PHACTR2: variants seen among roughly 807,000 people sequenced by gnomAD.
PHACTR2 encodes phosphatase and actin regulator 2.
Under a neutral mutation model 76.0 loss-of-function variants are expected in PHACTR2, and 30 were observed. That is an observed-to-expected ratio of 0.39 (90% CI 0.30 to 0.54). The LOEUF is 0.54. Among genes scored for constraint, PHACTR2 ranks in the 20% least tolerant of loss-of-function variants. The pLI is 0.61. For missense variants in PHACTR2, 696 were observed against 781.1 expected (o/e 0.89, Z 1.30); for synonymous variants, 292 against 292.5 (o/e 1.00, Z 0.02).
chr6:143,540,704 GA>G (rs11375475), intron 1 of PHACTR2, among the ~76,000 whole-genome samples: 157 of 143,716 alleles, frequency 1.1e-3, no homozygotes, highest in African/African-American at 3.5e-3. Flanking sequence ...TGCTTTATCA[GA>G]AAAAAAAAAC....
In PHACTR2 at chr6:143,688,746, G is replaced by A. The variant is rs564120174; in HGVS notation, c.46+10537G>A. ...CCCTACTGCCACCGTCCAAGCTCTG[G>A]GGCCATCCATTACATGGACAACTGC... On this transcript the variant is annotated intron_variant, in intron 1 of 12. Coordinates refer to ENST00000440869, the MANE Select transcript of PHACTR2 (RefSeq NM_001100164.2). This position sits in a 1 kb window ranked among gnomAD's most constrained non-coding sequence, Gnocchi z 5.2. Among the ~76,000 whole-genome samples the A allele has an allele frequency of 5.3e-5, 8 of 152,194 alleles. No individual in the cohort carries two copies. The East Asian group carries it at 1.2e-3, about 22-fold the overall frequency.
chr6:143,756,477 C>A (rs1043288259), intron 4 of PHACTR2, among the ~76,000 whole-genome samples: 1 of 149,786 alleles, frequency 6.7e-6, no homozygotes, highest in East Asian at 2.0e-4. Flanking sequence ...GGGCGGATCA[C>A]GAGGTCAGGA....
rs1276385930 is a variant in PHACTR2 at position 143,672,835 on chromosome 6, C to T, written c.14-39181C>T. Among the ~76,000 whole-genome samples the T allele has an allele frequency of 3.9e-5, 6 of 152,096 alleles. No individual in the cohort carries two copies. Among genetic ancestry groups the T allele is most frequent in the African/African-American group, 7.2e-5 (3 of 41,406 alleles). On this transcript the variant is annotated intron_variant, in intron 1 of 11. Coordinates refer to the PHACTR2 transcript ENST00000305766. This position sits in a 1 kb window ranked among gnomAD's most constrained non-coding sequence, Gnocchi z 5.8. ...CGCCTCCCAGGTTCAAGTGATTCTC[C>T]GGCCTCAGCCTCCCAAGTAGCTGAG... is the stretch of plus-strand genomic sequence containing the variant.
At position 143,662,028 on chromosome 6, in the gene PHACTR2, A is replaced by G. The variant is rs1776955268; in HGVS notation, c.14-49988A>G. 6.6e-6 allele frequency among the ~76,000 whole-genome samples: 1 copy of G among 152,208 alleles called. No homozygotes were observed. The highest frequency in any genetic ancestry group is 2.4e-5 in the African/African-American group (1 of 41,454). Reference sequence around the variant, plus strand: ...ATGTACTTCTTAATTGTGTGATTACATGATTTCTCCCTGAATAAATCTTGT... The same window carrying G: ...ATGTACTTCTTAATTGTGTGATTACGTGATTTCTCCCTGAATAAATCTTGT... On this transcript the variant is annotated intron_variant, in intron 1 of 11. Transcript: ENST00000305766. This position sits in a 1 kb window ranked among gnomAD's most constrained non-coding sequence, Gnocchi z 4.7.
chr6:143,559,471 C>T (rs1562683751), intron 1 of PHACTR2, among the ~76,000 whole-genome samples: 1 of 152,080 alleles, frequency 6.6e-6, no homozygotes, highest in Non-Finnish European at 1.5e-5. Flanking sequence ...TAACCCTATC[C>T]TGACATCTCT....
rs960337531 is a variant in PHACTR2 at position 143,795,507 on chromosome 6, C to T, written c.1845+6597C>T. On this transcript the variant is annotated intron_variant, in intron 11 of 12. Coordinates refer to ENST00000440869, the MANE Select transcript of PHACTR2 (RefSeq NM_001100164.2). This position sits in a 1 kb window ranked among gnomAD's most constrained non-coding sequence, Gnocchi z 4.8. ...TATATGTACAGTAAAATAGAGATGG[C>T]CTGGTTTCCTGCACTGAGGTAGATA... Among the ~76,000 whole-genome samples, 2 of 152,128 alleles carry T rather than the reference C, an allele frequency of 1.3e-5. No homozygotes were observed. Among genetic ancestry groups the T allele is most frequent in the East Asian group, 1.9e-4 (1 of 5,200 alleles).
intron 11 of PHACTR2, among the ~76,000 whole-genome samples, chr6:143,797,050 T>C (rs941967445): frequency 2.6e-5 from 4 of 152,234 alleles, no homozygotes. Context: ...TTCCTATTTC[T>C]CCACATCCTC....
At position 143,712,899 on chromosome 6, in the gene PHACTR2, G is replaced by A. The variant is rs1026496658; in HGVS notation, c.214+716G>A. 2.0e-5 allele frequency among the ~76,000 whole-genome samples: 3 copies of A among 152,194 alleles called. No homozygotes were observed. In the East Asian group the frequency reaches 5.8e-4, roughly 29 times the overall value. Reference sequence around the variant, plus strand: ...TGCTTAGTGCCTTTCATATCAACTCGTGGACAAAGCTGGCTTTAAATCTCA... The same window carrying A: ...TGCTTAGTGCCTTTCATATCAACTCATGGACAAAGCTGGCTTTAAATCTCA... On this transcript the variant is annotated intron_variant, in intron 2 of 12. Coordinates refer to ENST00000440869, the MANE Select transcript of PHACTR2 (RefSeq NM_001100164.2).
chr6:143,715,537 G>A (rs1355092429), intron 2 of PHACTR2, among the ~76,000 whole-genome samples: 1 of 152,166 alleles, frequency 6.6e-6, no homozygotes, highest in African/African-American at 2.4e-5. Flanking sequence ...GTATTTCTGT[G>A]GAAAACATGC....
intron 1 of PHACTR2, among the ~76,000 whole-genome samples, chr6:143,545,564 C>T (rs1447027309): frequency 2.6e-5 from 4 of 152,204 alleles, no homozygotes; most frequent in African/African-American, 7.2e-5. Flanking sequence ...TGTATCAGCT[C>T]CTTTTTTCAG....
rs1181141097 is a variant in PHACTR2, at chr6:143,739,514, T to C, written c.215-9471T>C. ...GTCTTAGGTTTACCATCTTTTACTG[T>C]AAAGAAACAGGAAATGGAAACACGC... On this transcript the variant is annotated intron_variant, in intron 2 of 12. Coordinates refer to ENST00000440869, the MANE Select transcript of PHACTR2 (RefSeq NM_001100164.2). This position sits in a 1 kb window ranked among gnomAD's most constrained non-coding sequence, Gnocchi z 4.3. 6.6e-6 allele frequency among the ~76,000 whole-genome samples: 1 copy of C among 152,154 alleles called. No individual in the cohort carries two copies. Among genetic ancestry groups the C allele is most frequent in the Non-Finnish European group, 1.5e-5 (1 of 68,016 alleles).
intron 1 of PHACTR2, among the ~76,000 whole-genome samples, chr6:143,666,382 G>T (rs1173687787): frequency 6.6e-6 from 1 of 152,032 alleles, no homozygotes; most frequent in Non-Finnish European, 1.5e-5. Flanking sequence ...TAATCCTTTG[G>T]GTATATATCC....
chr6:143,814,028 A>G (rs1227751196), intron 12 of PHACTR2, among the ~76,000 whole-genome samples: 2 of 152,254 alleles, frequency 1.3e-5, no homozygotes, highest in African/African-American at 4.8e-5. Context: ...TCTTACCAGT[A>G]AAGTAGGCTA....
At chr6:143,544,252 G>GGGAA (rs148918748) in intron 1 of PHACTR2, among the ~76,000 whole-genome samples, 1 of 118,604 alleles carries the variant, frequency 8.4e-6, no homozygotes, top group African/African-American at 4.1e-5. Flanking sequence ...GGGAGGGAGT[G>GGGAA]GGAAGGAAGG....
At position 143,543,414 on chromosome 6, in the gene PHACTR2, T is replaced by C. The variant is rs989782431; in HGVS notation, c.217+6207T>C. Among the ~76,000 whole-genome samples, 1 of 152,186 alleles carries C rather than the reference T, an allele frequency of 6.6e-6. No individual in the cohort carries two copies. Among genetic ancestry groups the C allele is most frequent in the Non-Finnish European group, 1.5e-5 (1 of 68,038 alleles). Reference sequence around the variant, plus strand: ...AGACATCCCTCAGGAACTCACAGTTTAGTGGGGAAAGACAGGCCAATAAGC... The same window carrying C: ...AGACATCCCTCAGGAACTCACAGTTCAGTGGGGAAAGACAGGCCAATAAGC... On this transcript the variant is annotated intron_variant, in intron 1 of 11. Transcript: ENST00000367584. The surrounding 1 kb of genome is among the most constrained non-coding windows in gnomAD (Gnocchi z 4.7).
At position 143,711,015 on chromosome 6, in the gene PHACTR2, C is replaced by G. The variant is rs181577203; in HGVS notation, c.47-1001C>G. 8 of 516,218 alleles carry G rather than the reference C, an allele frequency of 1.5e-5. No individual in the cohort carries two copies. The Admixed American group carries it at 1.6e-4, about 10-fold the overall frequency. The allele number at this position is 516,218 out of a possible 1,614,324, so 32.0% of individuals were successfully genotyped here. A position where few individuals can be genotyped will look rare whatever the true frequency, so the allele number is the denominator to read the frequency against. ...CATACATGTCATTAATTAGACTTCA[C>G]TGTCAGTTTACGGTTTTTTAAAGGT... is the stretch of plus-strand genomic sequence containing the variant. On this transcript the variant is annotated intron_variant, in intron 1 of 12. Transcript: ENST00000440869.
Position 143,806,965 on chromosome 6 carries a change from A to G in PHACTR2, c.1846-92A>G, listed in dbSNP as rs1776078942. ...GAGCGAGACTCTATCTCTTAAAAAA[A>G]AAAAAAAGGTCTGCTTCATTGATGC... On this transcript the variant is annotated intron_variant, in intron 11 of 12. Transcript: ENST00000440869. This position sits in a 1 kb window ranked among gnomAD's most constrained non-coding sequence, Gnocchi z 5.8. The G allele has an allele frequency of 6.2e-6, 4 of 649,902 alleles. No homozygotes were observed. The Admixed American group carries it at 1.3e-4, about 21-fold the overall frequency. The allele number at this position is 649,902 out of a possible 1,614,324, so 40.3% of individuals were successfully genotyped here. A position where few individuals can be genotyped will look rare whatever the true frequency, so the allele number is the denominator to read the frequency against.
In PHACTR2 at chr6:143,831,172, A is replaced by G. The variant is rs925811170; in HGVS notation, c.*7483A>G. 6.6e-5 allele frequency: 10 copies of G among 152,362 alleles called. No homozygotes were observed. The highest frequency in any genetic ancestry group is 2.4e-4 in the African/African-American group (10 of 41,586). 9.4% of individuals were successfully genotyped at this position (152,362 alleles called of 1,614,324 possible). A position where few individuals can be genotyped will look rare whatever the true frequency, so the allele number is the denominator to read the frequency against. The stretch of plus-strand genomic sequence containing the variant: ...AGAGTTTATAATATAGAAAATAAAC[A>G]GACTTCCTCATTATGCTTGCTATTT... On this transcript the variant is annotated 3_prime_UTR_variant, in exon 13 of 13. Transcript: ENST00000440869. The surrounding 1 kb of genome is among the most constrained non-coding windows in gnomAD (Gnocchi z 5.2).
rs902476164 is a variant in PHACTR2 at position 143,696,950 on chromosome 6, A to G, written c.47-15066A>G. 6.6e-6 allele frequency among the ~76,000 whole-genome samples: 1 copy of G among 152,188 alleles called. No homozygotes were observed. The highest frequency in any genetic ancestry group is 2.4e-5 in the African/African-American group (1 of 41,452). ...AAACTTGTTGCTGGCTGCCAGTCTT[A>G]AAGAATGATTCCTCGTCATTGAACA... On this transcript the variant is annotated intron_variant, in intron 1 of 12. Transcript: ENST00000440869. The surrounding 1 kb of genome is among the most constrained non-coding windows in gnomAD (Gnocchi z 4.1).
Sources: gnomAD v4.1 joint callset for allele counts (sites outside exome capture counted in the v4.1 genomes callset) on GRCh38, gnomAD v4.1.1 for gene constraint, Gnocchi (gnomAD v3.1) non-coding constraint, MANE v1.5 for transcripts, NCBI Gene and HGNC (gene_info 2026-07-23, HGNC 2026-07-21) for gene names.